Variants in CNTNAP2 observed in about 807,000 individuals in gnomAD.
CNTNAP2 encodes the protein contactin associated protein 2.
Under a neutral mutation model 155.2 loss-of-function variants are expected in CNTNAP2, and 98 were observed. That is an observed-to-expected ratio of 0.63 (90% CI 0.54 to 0.75). The LOEUF (loss-of-function observed/expected upper bound fraction) is 0.75, where lower values mean the gene tolerates loss of function less well. Among genes scored for constraint, CNTNAP2 ranks in the 30% least tolerant of loss-of-function variants. The probability of loss-of-function intolerance (pLI) is 0.00; values close to 1 mark genes in which losing one functional copy is unlikely to be tolerated. For missense variants in CNTNAP2, 1,727 were observed against 1,688.1 expected (o/e 1.02, Z -0.40); for synonymous variants, 651 against 631.2 (o/e 1.03, Z -0.47).
intron 4 of CNTNAP2, among the ~76,000 whole-genome samples, chr7:147,077,456 G>C (rs1386575765): frequency 1.3e-5 from 2 of 152,094 alleles, no homozygotes; most frequent in Non-Finnish European, 2.9e-5. Context: ...CAACACTGGT[G>C]ATGAGCCGTT....
At chr7:147,575,374 GT>G (rs1584825050) in intron 12 of CNTNAP2, among the ~76,000 whole-genome samples, 25 of 78,278 alleles carry the variant, frequency 3.2e-4, no homozygotes, top group South Asian at 2.1e-3. Flanking sequence ...CTTTAGGGGT[GT>G]GTGTGTGTGT....
At position 146,605,359 on chromosome 7, in the gene CNTNAP2, A is replaced by T. The variant is rs902279917; in HGVS notation, c.98-168912A>T. 6.6e-5 allele frequency among the ~76,000 whole-genome samples: 10 copies of T among 151,288 alleles called. 1 individual carries two copies. The highest frequency in any genetic ancestry group is 1.5e-4 in the Non-Finnish European group (10 of 67,868). Reference sequence around the variant, plus strand: ...CAATGAGGAAATGGATTCAGAGATTAAACACCTTGCTCTGGATCAAACATA... The same window carrying T: ...CAATGAGGAAATGGATTCAGAGATTTAACACCTTGCTCTGGATCAAACATA... On this transcript the variant is annotated intron_variant, in intron 1 of 23. Transcript: ENST00000361727.
intron 13 of CNTNAP2, among the ~76,000 whole-genome samples, chr7:147,701,442 G>C (rs1796234940): frequency 6.6e-6 from 1 of 152,114 alleles, no homozygotes; most frequent in South Asian, 2.1e-4. Flanking sequence ...ATAAAAATAA[G>C]TCAACTGCTA....
chr7:146,121,856 T>G (rs1275053401), intron 1 of CNTNAP2, among the ~76,000 whole-genome samples: 1 of 152,190 alleles, frequency 6.6e-6, no homozygotes, highest in Non-Finnish European at 1.5e-5. Flanking sequence ...GTAAGAATAA[T>G]GATGCAATCA....
At chr7:147,441,175 G>A (rs973924693) in intron 10 of CNTNAP2, among the ~76,000 whole-genome samples, 38 of 151,590 alleles carry the variant, frequency 2.5e-4, no homozygotes, top group African/African-American at 1.5e-4. Context: ...TGTCTCCTCC[G>A]TGTATTTTCA....
intron 1 of CNTNAP2, among the ~76,000 whole-genome samples, chr7:146,276,308 A>G (rs2129084122): frequency 6.6e-6 from 1 of 152,306 alleles, no homozygotes; most frequent in African/African-American, 2.4e-5. Flanking sequence ...AAAACTGATC[A>G]TTTGTGTGAT....
intron 8 of CNTNAP2, among the ~76,000 whole-genome samples, chr7:147,160,968 A>C (rs1802013546): frequency 6.6e-6 from 1 of 152,156 alleles, no homozygotes; most frequent in Non-Finnish European, 1.5e-5. Flanking sequence ...GAAACTATTG[A>C]AATATTTTGG....
intron 12 of CNTNAP2, among the ~76,000 whole-genome samples, chr7:147,583,981 T>C (rs2116831433): frequency 6.6e-6 from 1 of 152,202 alleles, no homozygotes; most frequent in Admixed American, 6.5e-5. Context: ...TAGAGGAAAG[T>C]TCTGGAGACA....
At chr7:146,502,224 AATATATATATATATATATATATATAT>A (rs59759183) in intron 1 of CNTNAP2, among the ~76,000 whole-genome samples, 4 of 94,808 alleles carry the variant, frequency 4.2e-5, no homozygotes, top group South Asian at 3.3e-4. Context: ...TATATATATG[AATATATATATATATATATATATATAT>A]ATATATATAT....
intron 12 of CNTNAP2, among the ~76,000 whole-genome samples, chr7:147,613,857 A>G (rs1801234211): frequency 6.6e-6 from 1 of 152,178 alleles, no homozygotes; most frequent in South Asian, 2.1e-4. Flanking sequence ...AAAAAAAGAA[A>G]TAATAGAAAT....
chr7:146,934,233 C>T (rs1796856683), intron 3 of CNTNAP2, among the ~76,000 whole-genome samples: 1 of 152,080 alleles, frequency 6.6e-6, no homozygotes, highest in South Asian at 2.1e-4. Context: ...AAATGTGGCA[C>T]ATATACACCA....
rs144003410 is a variant in CNTNAP2, at chr7:148,217,389, G to A, written c.3112G>A (p.Asp1038Asn). 1.4e-4 allele frequency: 226 copies of A among 1,614,076 alleles called. No homozygotes were observed. Among genetic ancestry groups the A allele is most frequent in the South Asian group, 6.8e-4 (62 of 91,072 alleles). The change falls in exon 19 of 24, where the codon GAC (aspartate) becomes AAC (asparagine). Residue 1038 changes from aspartate (D) to asparagine (N), a missense_variant. Physicochemically the swap from Asp to Asn is conservative, Grantham distance 23. Transcript: ENST00000361727. ...CAGCAGCAGAGTAGACAACGCTCCC[G>A]ACCAGCAGAACTCCCACCCGGACCT... ...DSSSRVDNAP[D>N]QQNSHPDLAQ...
chr7:146,360,394 AC>A (rs1185247516), intron 1 of CNTNAP2, among the ~76,000 whole-genome samples: 3 of 152,244 alleles, frequency 2.0e-5, no homozygotes, highest in African/African-American at 7.2e-5. Context: ...CTGTGTAAAA[AC>A]GTCACAAGGA....
At chr7:146,745,320 C>A (rs901167923) in intron 1 of CNTNAP2, among the ~76,000 whole-genome samples, 3 of 152,042 alleles carry the variant, frequency 2.0e-5, no homozygotes, top group African/African-American at 7.2e-5. Flanking sequence ...TTGATCCTCA[C>A]GATAACCCTA....
intron 1 of CNTNAP2, among the ~76,000 whole-genome samples, chr7:146,217,801 G>A (rs1799137249): frequency 6.6e-6 from 1 of 152,074 alleles, no homozygotes; most frequent in Non-Finnish European, 1.5e-5. Context: ...CCAGCACATA[G>A]TTATATATAG....
At chr7:146,136,055 G>C (rs1184102697) in intron 1 of CNTNAP2, among the ~76,000 whole-genome samples, 1 of 152,066 alleles carries the variant, frequency 6.6e-6, no homozygotes, top group East Asian at 1.9e-4. Context: ...TGTTTGTAAA[G>C]CACACATTCA....
intron 16 of CNTNAP2, among the ~76,000 whole-genome samples, chr7:148,134,297 C>T (rs1245435184): frequency 1.3e-5 from 2 of 152,078 alleles, no homozygotes; most frequent in Non-Finnish European, 2.9e-5. Flanking sequence ...GTAACCAGAG[C>T]CAGTGAATAA....
At chr7:147,631,724 G>A (rs1008663931) in intron 12 of CNTNAP2, among the ~76,000 whole-genome samples, 1 of 152,068 alleles carries the variant, frequency 6.6e-6, no homozygotes, top group Non-Finnish European at 1.5e-5. Flanking sequence ...AAAACATTAA[G>A]TGGGGAAAGG....
rs533055314 is a variant in CNTNAP2, at chr7:146,550,572, T to C, written c.98-223699T>C. ...ACATGTGTGGTGTCTATTTTTCCCTTTCCTTTTTCCAAAATGCCAACAATT... is the reference window on the plus strand; with the variant it reads ...ACATGTGTGGTGTCTATTTTTCCCTCTCCTTTTTCCAAAATGCCAACAATT... On this transcript the variant is annotated intron_variant, in intron 1 of 23. Transcript: ENST00000361727. Among the ~76,000 whole-genome samples the C allele has an allele frequency of 1.4e-3, 216 of 152,084 alleles. 1 individual carries two copies. The highest frequency in any genetic ancestry group is 2.6e-3 in the Non-Finnish European group (179 of 68,008).
Sources: allele counts gnomAD v4.1 joint callset (sites outside exome capture counted in the v4.1 genomes callset), GRCh38; gene constraint gnomAD v4.1.1; transcripts MANE v1.5; gene names NCBI Gene and HGNC (gene_info 2026-07-23, HGNC 2026-07-21).